GMPS: variants seen among roughly 807,000 people sequenced by gnomAD.
GMPS encodes GMP synthase [glutamine-hydrolyzing].
GMPS carries 15 observed loss-of-function variants against 77.9 expected under a neutral mutation model. The observed-to-expected ratio is 0.19, with a 90% CI of 0.13 to 0.30. The LOEUF is 0.30. Among genes scored for constraint, GMPS ranks in the 10% least tolerant of loss-of-function variants. The probability of loss-of-function intolerance (pLI) is 1.00; values close to 1 mark genes in which losing one functional copy is unlikely to be tolerated. For synonymous variants in GMPS, 224 were observed against 275.9 expected (o/e 0.81, Z 1.86); for missense variants, 590 against 838.8 (o/e 0.70, Z 3.66).
At chr3:155,922,432 G>T in intron 11 of GMPS, 130 bp downstream of exon 11, 2 of 478,530 alleles carry the variant, frequency 4.2e-6, no homozygotes, top group Admixed American at 4.2e-5. Context: ...AAATGACTGT[G>T]GAGAAAATAT....
upstream of GMPS, among the ~76,000 whole-genome samples, chr3:155,869,604 T>C (rs576591523): frequency 1.4e-3 from 217 of 152,338 alleles, no homozygotes; most frequent in African/African-American, 5.0e-3. Context: ...TTACATTCTA[T>C]ATATACTGAG....
chr3:155,923,804 A>G lies in GMPS; in HGVS notation c.1435-1437A>G, dbSNP rs1560050943. On this transcript the variant is annotated intron_variant, in intron 11 of 15. Transcript: ENST00000496455. The stretch of plus-strand genomic sequence containing the variant: ...ACTATTCTTGACATATAGCCCTAGA[A>G]TTTAATTGGTCTGAGATGGGACCTG... Among the ~76,000 whole-genome samples the G allele has an allele frequency of 5.3e-5, 8 of 152,156 alleles. No homozygotes were observed. The South Asian group carries it at 1.7e-3, about 31-fold the overall frequency.
Position 155,943,527 on chromosome 3 carries a change from C to T in GMPS, c.*5835C>T, listed in dbSNP as rs1755944224. 1.7e-5 allele frequency: 3 copies of T among 178,474 alleles called. No homozygotes were observed. Among genetic ancestry groups the T allele is most frequent in the Non-Finnish European group, 3.6e-5 (3 of 83,202 alleles). 11.1% of individuals were successfully genotyped at this position (178,474 alleles called of 1,614,324 possible). A position where few individuals can be genotyped will look rare whatever the true frequency, so the allele number is the denominator to read the frequency against. On this transcript the variant is annotated 3_prime_UTR_variant, in exon 16 of 16. Transcript: ENST00000496455. ...ATTAAACGAAGAAGTGAATGTAAAC[C>T]TCCTTTTGAACATATTTTTTATAAA...
intron 7 of GMPS, among the ~76,000 whole-genome samples, chr3:155,911,897 G>T (rs1358155405): frequency 6.6e-6 from 1 of 151,258 alleles, no homozygotes; most frequent in East Asian, 1.9e-4. Context: ...ATTTATGTAC[G>T]AGGCTACCCA....
intron 1 of GMPS, among the ~76,000 whole-genome samples, chr3:155,884,291 C>G (rs912542153): frequency 6.6e-6 from 1 of 150,644 alleles, no homozygotes; most frequent in Non-Finnish European, 1.5e-5. Flanking sequence ...GAGGTTGAGG[C>G]AGGACAATCA....
At chr3:155,899,808 TG>T (rs1320431738) in intron 3 of GMPS, among the ~76,000 whole-genome samples, 3 of 152,240 alleles carry the variant, frequency 2.0e-5, no homozygotes, top group African/African-American at 7.2e-5. Flanking sequence ...TTTATAGTTT[TG>T]CCTTTTTCAG....
Position 155,886,525 on chromosome 3 carries a change from C to T in GMPS, c.28-6993C>T, listed in dbSNP as rs562580556. 1.4e-3 allele frequency among the ~76,000 whole-genome samples: 200 copies of T among 144,142 alleles called. 1 individual carries two copies. Among genetic ancestry groups the T allele is most frequent in the African/African-American group, 4.9e-3 (191 of 38,648 alleles). The allele number at this position is 144,142 out of a possible 152,430, so 94.6% of individuals were successfully genotyped here. ...GAGAGGTTGCAGTGAGCTGAGATCG[C>T]GCCACTGCACTCTAGCCCGGGCTAC... On this transcript the variant is annotated intron_variant, in intron 1 of 15. Transcript: ENST00000496455.
chr3:155,891,604 CTTT>C (rs35759331), intron 1 of GMPS, among the ~76,000 whole-genome samples: 4 of 127,866 alleles, frequency 3.1e-5, no homozygotes, highest in Admixed American at 8.1e-5. Context: ...TTGTTTGTTA[CTTT>C]TTTTTTTTTT....
rs537079330 is a variant in GMPS at position 155,911,809 on chromosome 3, A to T, written c.886+530A>T. ...AGCAGAGATCATGCCACTGCACTCC[A>T]GCCTGGGCAACAAGAGCGAAACTCC... is the stretch of plus-strand genomic sequence containing the variant. On this transcript the variant is annotated intron_variant, in intron 7 of 15. Transcript: ENST00000496455. Among the ~76,000 whole-genome samples the T allele has an allele frequency of 2.1e-4, 32 of 151,376 alleles. No individual in the cohort carries two copies. In the South Asian group the frequency reaches 3.6e-3, roughly 17 times the overall value.
At chr3:155,891,436 A>C (rs1305159681) in intron 1 of GMPS, among the ~76,000 whole-genome samples, 1 of 152,124 alleles carries the variant, frequency 6.6e-6, no homozygotes, top group East Asian at 1.9e-4. Context: ...ACTAAGGGTA[A>C]AGGTCTGAAA....
upstream of GMPS, among the ~76,000 whole-genome samples, chr3:155,869,642 T>G (rs559033073): frequency 2.4e-3 from 359 of 152,280 alleles, 1 homozygote; most frequent in African/African-American, 8.4e-3. Flanking sequence ...AAGCCTCAAT[T>G]TCCTCATTTG....
chr3:155,942,824 C>T lies in GMPS; in HGVS notation c.*5132C>T. 4.6e-6 allele frequency: 1 copy of T among 217,158 alleles called. No homozygotes were observed. The highest frequency in any genetic ancestry group is 9.3e-6 in the Non-Finnish European group (1 of 107,930). 13.5% of individuals were successfully genotyped at this position (217,158 alleles called of 1,614,324 possible). A position where few individuals can be genotyped will look rare whatever the true frequency, so the allele number is the denominator to read the frequency against. ...ACAGACTGAGCTATTATTGCATCAA[C>T]ACATAAATCCTGTCATTTGGGTATT... On this transcript the variant is annotated 3_prime_UTR_variant, in exon 16 of 16. Transcript: ENST00000496455.
At chr3:155,900,049 A>G (rs1754697704) in intron 3 of GMPS, among the ~76,000 whole-genome samples, 1 of 152,218 alleles carries the variant, frequency 6.6e-6, no homozygotes, top group African/African-American at 2.4e-5. Context: ...AAGTTTTGGT[A>G]ATTATGAATA....
At position 155,942,655 on chromosome 3, in the gene GMPS, G is replaced by A. The variant is rs1042875017; in HGVS notation, c.*4963G>A. ...AATTAGGACAGCTGACATACTTGTT[G>A]CTAATTTTGAGATCTGGGCAACAAC... On this transcript the variant is annotated 3_prime_UTR_variant, in exon 16 of 16. Coordinates refer to ENST00000496455, the MANE Select transcript of GMPS (RefSeq NM_003875.3). The A allele has an allele frequency of 3.5e-5, 8 of 228,976 alleles. No individual in the cohort carries two copies. The highest frequency in any genetic ancestry group is 5.2e-5 in the Non-Finnish European group (6 of 115,284). The allele number at this position is 228,976 out of a possible 1,614,324, so 14.2% of individuals were successfully genotyped here. A position where few individuals can be genotyped will look rare whatever the true frequency, so the allele number is the denominator to read the frequency against.
rs1755630734 is a variant in GMPS at position 155,931,805 on chromosome 3, G to A, written c.1601G>A (p.Ser534Asn). ...RSYSYVCGISSKDEPDWESLI... is the reference protein window; with the variant it reads ...RSYSYVCGISNKDEPDWESLI... The stretch of plus-strand genomic sequence containing the variant: ...TACAGTTACGTGTGTGGAATCTCCA[G>A]TAAAGATGAACCTGACTGGGAATCA... The change falls in exon 13 of 16, where the codon AGT (serine) becomes AAT (asparagine). Residue 534 changes from serine (S) to asparagine (N), a missense_variant. Coordinates refer to ENST00000496455, the MANE Select transcript of GMPS (RefSeq NM_003875.3). 6.3e-7 allele frequency: 1 copy of A among 1,591,266 alleles called. No homozygotes were observed. Among genetic ancestry groups the A allele is most frequent in the Non-Finnish European group, 8.6e-7 (1 of 1,159,864 alleles).
intron 1 of GMPS, among the ~76,000 whole-genome samples, chr3:155,875,761 CAAG>C (rs1754035436): frequency 1.3e-5 from 2 of 151,998 alleles, no homozygotes; most frequent in Admixed American, 6.6e-5. Flanking sequence ...TGTATTTGCT[CAAG>C]AAGGACGGTG....
chr3:155,880,082 G>C (rs1210866400), intron 1 of GMPS, among the ~76,000 whole-genome samples: 1 of 151,666 alleles, frequency 6.6e-6, no homozygotes, highest in Non-Finnish European at 1.5e-5. Context: ...TAATTTTGAG[G>C]CTTAATTTAT....
chr3:155,884,864 T>C (rs1398353510), intron 1 of GMPS, among the ~76,000 whole-genome samples: 2 of 152,178 alleles, frequency 1.3e-5, no homozygotes, highest in Non-Finnish European at 2.9e-5. Context: ...TTTAGTTCAT[T>C]GATTTAGATA....
chr3:155,871,752 G>A (rs950680062), intron 1 of GMPS, among the ~76,000 whole-genome samples: 1 of 152,248 alleles, frequency 6.6e-6, no homozygotes, highest in African/African-American at 2.4e-5. Flanking sequence ...GCAGTCCGGA[G>A]TTCCGGAGTG....
Sources: allele counts gnomAD v4.1 joint callset (sites outside exome capture counted in the v4.1 genomes callset), GRCh38; gene constraint gnomAD v4.1.1; transcripts MANE v1.5; gene names NCBI Gene and HGNC (gene_info 2026-07-23, HGNC 2026-07-21).